The following C13orf46 variants were observed in gnomAD, a reference collection of about 807,000 sequenced individuals.
C13orf46 encodes uncharacterized protein C13orf46.
At chr13:113,935,131 G>T in the C13orf46 span, among the ~76,000 whole-genome samples, 42 of 152,372 alleles carry the variant, frequency 2.8e-4, no homozygotes, top group African/African-American at 9.4e-4. Context: ...CAGCCCGAGG[G>T]GGGGAACAGT....
intron 6 of C13orf46, among the ~76,000 whole-genome samples, 169 bp from the exon 7 acceptor site, chr13:113,957,008 T>C (rs1298969174): frequency 5.3e-5 from 8 of 151,238 alleles, no homozygotes; most frequent in African/African-American, 1.9e-4. Context: ...CCCCTGTACC[T>C]GCATATGCAC....
intron 2 of C13orf46, among the ~76,000 whole-genome samples, chr13:113,969,425 G>A (rs1346837917): frequency 6.6e-6 from 1 of 152,242 alleles, no homozygotes; most frequent in Non-Finnish European, 1.5e-5. Flanking sequence ...GCTCTACGGA[G>A]TGGGAGGCTC....
the C13orf46 span, among the ~76,000 whole-genome samples, chr13:113,929,022 G>A: frequency 3.9e-5 from 6 of 152,240 alleles, no homozygotes; most frequent in South Asian, 2.1e-4. Context: ...TCCAGTAGCC[G>A]GATGCTCTGC....
At chr13:113,927,770 C>G in the C13orf46 span, 1 of 396,364 alleles carries the variant, frequency 2.5e-6, no homozygotes, top group Admixed American at 4.4e-5. Context: ...CAGACAGACT[C>G]CCACTCGGAG....
chr13:113,953,173 A>G (rs935362318), downstream of C13orf46, among the ~76,000 whole-genome samples: 3 of 152,134 alleles, frequency 2.0e-5, no homozygotes, highest in Non-Finnish European at 2.9e-5. Flanking sequence ...GTGGCTGCTG[A>G]GTGCCCTGAA....
chr13:113,945,566 A>AG, the C13orf46 span, among the ~76,000 whole-genome samples: 20 of 100,930 alleles, frequency 2.0e-4, no homozygotes, highest in African/African-American at 6.9e-4. Flanking sequence ...AGAAAGAAAG[A>AG]AAGAAAGAAA....
At chr13:113,951,436 C>T (rs1248683982), downstream of C13orf46, among the ~76,000 whole-genome samples, 1 of 152,168 alleles carries the variant, frequency 6.6e-6, no homozygotes, top group Non-Finnish European at 1.5e-5. Flanking sequence ...GCTTTGGCCT[C>T]GGCTCTGCCC....
the C13orf46 span, among the ~76,000 whole-genome samples, chr13:113,933,066 T>C: frequency 6.6e-6 from 1 of 152,184 alleles, no homozygotes; most frequent in Admixed American, 6.5e-5. Flanking sequence ...AGTTTCACCA[T>C]GTTGCCCAGG....
the C13orf46 span, among the ~76,000 whole-genome samples, chr13:113,935,257 G>C: frequency 1.3e-5 from 2 of 152,226 alleles, no homozygotes; most frequent in East Asian, 3.9e-4. Context: ...GCGCCCTTCA[G>C]CTCCTCAGGG....
At chr13:113,946,968 G>A in the C13orf46 span, among the ~76,000 whole-genome samples, 7 of 152,370 alleles carry the variant, frequency 4.6e-5, no homozygotes, top group Non-Finnish European at 7.3e-5. Context: ...GAAGGCACCC[G>A]TGGTTACTGC....
downstream of C13orf46, among the ~76,000 whole-genome samples, chr13:113,950,659 C>A (rs1442139650): frequency 1.3e-5 from 2 of 152,246 alleles, no homozygotes; most frequent in African/African-American, 4.8e-5. Context: ...CAGCCCAGAC[C>A]AGCCCAGGTG....
chr13:113,933,431 G>A, the C13orf46 span, among the ~76,000 whole-genome samples: 1 of 152,164 alleles, frequency 6.6e-6, no homozygotes, highest in Non-Finnish European at 1.5e-5. Flanking sequence ...TTAAAATCAA[G>A]TAATATAAAT....
chr13:113,951,912 C>G (rs1013316668), downstream of C13orf46, among the ~76,000 whole-genome samples: 1 of 152,230 alleles, frequency 6.6e-6, no homozygotes, highest in African/African-American at 2.4e-5. Context: ...CAGTGCAACG[C>G]GACCCCACTC....
At chr13:113,965,022 T>A (rs2138986545) in intron 5 of C13orf46, 28 bp from the exon 6 acceptor site, 1 of 152,402 alleles carries the variant, frequency 6.6e-6, no homozygotes, top group African/African-American at 2.4e-5. Flanking sequence ...ATTTAAGGGA[T>A]GGGAGGTGTC....
At chr13:113,950,644 C>T (rs1163424736), downstream of C13orf46, among the ~76,000 whole-genome samples, 4 of 152,356 alleles carry the variant, frequency 2.6e-5, no homozygotes, top group South Asian at 6.2e-4. Flanking sequence ...GGAGAGTTGA[C>T]CTCCCAGCCC....
chr13:113,952,958 G>A (rs1266182991), downstream of C13orf46, among the ~76,000 whole-genome samples: 5 of 152,248 alleles, frequency 3.3e-5, no homozygotes, highest in East Asian at 5.8e-4. Flanking sequence ...GCTCTGCGGC[G>A]CGTAGACCTG....
the C13orf46 span, among the ~76,000 whole-genome samples, chr13:113,939,579 C>G: frequency 1.3e-5 from 2 of 152,188 alleles, no homozygotes; most frequent in African/African-American, 4.8e-5. Flanking sequence ...TGGTTCACAC[C>G]TTTTGCAATA....
At chr13:113,927,458 A>G in the C13orf46 span, 15 of 398,156 alleles carry the variant, frequency 3.8e-5, no homozygotes, top group Admixed American at 2.2e-4. Flanking sequence ...TGGCACTTCA[A>G]CTGCAAAGTA....
intron 6 of C13orf46, among the ~76,000 whole-genome samples, chr13:113,958,028 T>A: frequency 8.3e-6 from 1 of 120,328 alleles, no homozygotes; most frequent in Admixed American, 9.3e-5. Context: ...TCCCCTACAC[T>A]CTGCCTGCAC....
Sources: allele counts gnomAD v4.1 joint callset (sites outside exome capture counted in the v4.1 genomes callset), GRCh38; gene constraint gnomAD v4.1.1; transcripts MANE v1.5; gene names NCBI Gene and HGNC (gene_info 2026-07-23, HGNC 2026-07-21).